Variants in ASAP3 observed in about 807,000 individuals in gnomAD.
The protein encoded by ASAP3 is ArfGAP with SH3 domain, ankyrin repeat and PH domain 3.
Under a neutral mutation model 118.2 loss-of-function variants are expected in ASAP3, and 85 were observed. The observed-to-expected ratio is 0.72, with a 90% CI of 0.60 to 0.86. The LOEUF (loss-of-function observed/expected upper bound fraction) is 0.86. ASAP3 is among the 40% of genes least tolerant of loss of function. The pLI is 0.00. For synonymous variants in ASAP3, 432 were observed against 477.4 expected, an observed-to-expected ratio of 0.90 and a Z score of 1.24; for missense variants, 1,026 against 1,175.0, an observed-to-expected ratio of 0.87 and a Z score of 1.85.
At chr1:23,484,251 T>A (rs963568195), upstream of ASAP3, 1 of 863,586 alleles carries the variant, frequency 1.2e-6, no homozygotes, top group Non-Finnish European at 1.4e-6. Flanking sequence ...GCCCCGCCCC[T>A]CCGCACGCCC....
intron 5 of ASAP3, among the ~76,000 whole-genome samples, chr1:23,450,162 A>G (rs984808416): frequency 6.6e-6 from 1 of 152,242 alleles, no homozygotes; most frequent in Non-Finnish European, 1.5e-5. Context: ...ACCTTGCCTC[A>G]GACTTGGAGC....
At chr1:23,435,088 C>T (rs765481411) in intron 17 of ASAP3, among the ~76,000 whole-genome samples, 22 of 152,216 alleles carry the variant, frequency 1.4e-4, no homozygotes, top group Non-Finnish European at 2.2e-4. Flanking sequence ...AGAGCAGTGG[C>T]GCAATCACAG....
intron 1 of ASAP3, among the ~76,000 whole-genome samples, chr1:23,476,591 C>T (rs1214764340): frequency 6.6e-6 from 1 of 152,212 alleles, no homozygotes; most frequent in Admixed American, 6.5e-5. Context: ...CTGATATGAT[C>T]TTTCTAAAAT....
intron 1 of ASAP3, among the ~76,000 whole-genome samples, chr1:23,468,308 A>G (rs1170313290): frequency 3.3e-5 from 5 of 152,254 alleles, no homozygotes; most frequent in Non-Finnish European, 7.3e-5. Flanking sequence ...AATGTTTCAC[A>G]AATTAGTCTG....
Position 23,437,059 on chromosome 1 carries a change from A to G in ASAP3, c.1343-15T>C, listed in dbSNP as rs747733890. On this transcript the variant is annotated splice_polypyrimidine_tract_variant and intron_variant, in intron 14 of 24. Transcript: ENST00000336689. This position sits in a 1 kb window ranked among gnomAD's most constrained non-coding sequence, Gnocchi z 6.1. ...CCACGTGGGGTCTGCAGAGGAAAGC[A>G]GCTGGAGCCTGGAGGTGCAGCCCCT... 5 of 1,607,542 alleles carry G rather than the reference A, an allele frequency of 3.1e-6. No individual in the cohort carries two copies. Among genetic ancestry groups the G allele is most frequent in the Admixed American group, 1.7e-5 (1 of 59,386 alleles).
chr1:23,439,028 C>T (rs1640773948), intron 11 of ASAP3, 133 bp downstream of exon 11: 1 of 1,226,176 alleles, frequency 8.2e-7, no homozygotes, highest in Non-Finnish European at 1.2e-6. Context: ...TCTGTCCTCC[C>T]AAACGGGTCT....
intron 3 of ASAP3, 119 bp from the exon 4 acceptor site, chr1:23,452,890 G>T: frequency 1.0e-6 from 1 of 977,638 alleles, no homozygotes; most frequent in Non-Finnish European, 1.6e-6. Context: ...AAGTAGGGGA[G>T]AGGAAAAGAT....
Position 23,435,144 on chromosome 1 carries a change from C to G in ASAP3, c.1750-526G>C, listed in dbSNP as rs555584831. Among the ~76,000 whole-genome samples, 56 of 152,336 alleles carry G rather than the reference C, an allele frequency of 3.7e-4. 1 individual carries two copies. Among genetic ancestry groups the G allele is most frequent in the African/African-American group, 1.3e-3 (55 of 41,580 alleles). On this transcript the variant is annotated intron_variant, in intron 17 of 24. Coordinates refer to ENST00000336689, the MANE Select transcript of ASAP3 (RefSeq NM_017707.4). Reference sequence around the variant, plus strand: ...CTGGGCTCAAGCCACCCTCCCACCTCAGCCTTCTGAGTAGCTGGGACCACA... The same window carrying G: ...CTGGGCTCAAGCCACCCTCCCACCTGAGCCTTCTGAGTAGCTGGGACCACA...
chr1:23,436,080 G>C lies in ASAP3; in HGVS notation c.1572-52C>G. 1 of 1,586,894 alleles carries C rather than the reference G, an allele frequency of 6.3e-7. No individual in the cohort carries two copies. The highest frequency in any genetic ancestry group is 8.6e-7 in the Non-Finnish European group (1 of 1,156,800). On this transcript the variant is annotated intron_variant, in intron 16 of 24. Transcript: ENST00000336689. The surrounding 1 kb of genome is among the most constrained non-coding windows in gnomAD (Gnocchi z 4.2). Reference sequence around the variant, plus strand: ...GAGCATGGACCGTGTCTGCCCAGCTGATCCCTGGGGCCCTCCCACAGGAGA... The same window carrying C: ...GAGCATGGACCGTGTCTGCCCAGCTCATCCCTGGGGCCCTCCCACAGGAGA...
chr1:23,433,031 C>T (rs1640494151), intron 22 of ASAP3, 46 bp downstream of exon 22: 2 of 1,607,512 alleles, frequency 1.2e-6, no homozygotes, highest in Non-Finnish European at 8.5e-7. Context: ...TATACAGGTC[C>T]TCTGTGAATG....
At position 23,431,758 on chromosome 1, in the gene ASAP3, G is replaced by T; in HGVS notation, c.2484C>A (p.Thr828=). 6.6e-7 allele frequency: 1 copy of T among 1,526,260 alleles called. No individual in the cohort carries two copies. Among genetic ancestry groups the T allele is most frequent in the East Asian group, 2.3e-5 (1 of 42,832 alleles). 94.5% of individuals were successfully genotyped at this position (1,526,260 alleles called of 1,614,324 possible). Residue 828 remains threonine (T), a synonymous_variant, in exon 23 of 25, where the codon ACC becomes ACA. Coordinates refer to ENST00000336689, the MANE Select transcript of ASAP3 (RefSeq NM_017707.4). Reference sequence around the variant, plus strand: ...TCCCGGATGTCAGGCTGGGTCTGGAGGTGCCTGGGGGCTCTCGGAGGCCCT... The same window carrying T: ...TCCCGGATGTCAGGCTGGGTCTGGATGTGCCTGGGGGCTCTCGGAGGCCCT... ...SEEGLREPPG[T]SRPSLTSGTT...
In ASAP3 at chr1:23,437,173, C is replaced by G. The variant is rs370693470; in HGVS notation, c.1299G>C (p.Lys433Asn). The change falls in exon 14 of 25, where the codon AAG becomes AAC. Residue 433 changes from lysine to asparagine, a missense_variant. Physicochemically the swap from Lys to Asn is moderately conservative, Grantham distance 94 (BLOSUM62 0). Coordinates refer to ENST00000336689, the MANE Select transcript of ASAP3 (RefSeq NM_017707.4). This position sits in a 1 kb window ranked among gnomAD's most constrained non-coding sequence, Gnocchi z 6.1. ...DLTKLLIAEV[K>N]SRPGNSQCCD... ...AGCACTGGCTATTCCCAGGCCTGCT[C>G]TTCACCTCCGCGATGAGCAGCTTTG... 9.3e-6 allele frequency: 15 copies of G among 1,608,248 alleles called. No individual in the cohort carries two copies. Among genetic ancestry groups the G allele is most frequent in the Non-Finnish European group, 1.2e-5 (14 of 1,177,812 alleles).
At chr1:23,464,659 TAAAAAAAAAAAAA>T (rs57655847) in intron 1 of ASAP3, among the ~76,000 whole-genome samples, 92 of 47,094 alleles carry the variant, frequency 2.0e-3, no homozygotes, top group East Asian at 0.018. Context: ...GACACTGTCT[TAAAAAAAAAAAAA>T]AAAAAAAAAA....
At position 23,456,183 on chromosome 1, in the gene ASAP3, T is replaced by A. The variant is rs781440349; in HGVS notation, c.141A>T (p.Gly47=). The change falls in exon 2 of 25, where the codon GGA becomes GGT. Residue 47 remains glycine (G), a synonymous_variant. Transcript: ENST00000336689. ...AALAREEILE[G]DQAILQRIKK... ...TTATTCTCTGCAGGATGGCTTGGTC[T>A]CCTTCCAAGATCTGGAAGCAAATGT... 36 of 1,613,974 alleles carry A rather than the reference T, an allele frequency of 2.2e-5. No individual in the cohort carries two copies. Among genetic ancestry groups the A allele is most frequent in the Non-Finnish European group, 2.8e-5 (33 of 1,180,004 alleles).
intron 1 of ASAP3, among the ~76,000 whole-genome samples, chr1:23,468,820 G>A (rs1374382218): frequency 2.9e-5 from 4 of 136,358 alleles, no homozygotes; most frequent in African/African-American, 8.4e-5. Context: ...GTAGTGAGCC[G>A]AGATCACACC....
chr1:23,457,299 C>T (rs1175516549), intron 1 of ASAP3, among the ~76,000 whole-genome samples: 2 of 152,182 alleles, frequency 1.3e-5, no homozygotes, highest in African/African-American at 4.8e-5. Flanking sequence ...GGATCAGAGT[C>T]TGATTTCCAG....
intron 1 of ASAP3, among the ~76,000 whole-genome samples, chr1:23,457,475 G>A (rs543409589): frequency 2.3e-4 from 35 of 152,318 alleles, no homozygotes; most frequent in Non-Finnish European, 3.7e-4. Flanking sequence ...GTCTAGTTAC[G>A]AAGCTCAGCT....
intron 1 of ASAP3, among the ~76,000 whole-genome samples, chr1:23,466,056 G>A (rs1049606580): frequency 6.6e-6 from 1 of 152,132 alleles, no homozygotes; most frequent in East Asian, 1.9e-4. Context: ...GTGAGGCCCC[G>A]AATACAAACA....
At chr1:23,481,512 C>CT (rs746656806) in intron 1 of ASAP3, among the ~76,000 whole-genome samples, 41 of 152,338 alleles carry the variant, frequency 2.7e-4, no homozygotes, top group South Asian at 1.5e-3. Flanking sequence ...AGTTCAGACT[C>CT]TAACTTTTTG....
Sources: gnomAD v4.1 joint callset for allele counts (sites outside exome capture counted in the v4.1 genomes callset) on GRCh38, gnomAD v4.1.1 for gene constraint, Gnocchi (gnomAD v3.1) non-coding constraint, MANE v1.5 for transcripts, NCBI Gene and HGNC (gene_info 2026-07-23, HGNC 2026-07-21) for gene names.